USP15: variants seen among roughly 807,000 people sequenced by gnomAD.
The protein encoded by USP15 is ubiquitin carboxyl-terminal hydrolase 15.
In USP15, 18 loss-of-function variants were observed where a neutral mutation model predicts 127.1. The observed-to-expected ratio is 0.14, with a 90% CI of 0.10 to 0.21. The LOEUF (loss-of-function observed/expected upper bound fraction) is 0.21, where lower values mean the gene tolerates loss of function less well. Among genes scored for constraint, USP15 ranks in the 10% least tolerant of loss-of-function variants. The pLI is 1.00. For synonymous variants in USP15, 364 were observed against 393.7 expected, an observed-to-expected ratio of 0.92 and a Z score of 0.89; for missense variants, 805 against 1,159.9, an observed-to-expected ratio of 0.69 and a Z score of 4.44.
chr12:62,293,509 A>G (rs2064036816), intron 1 of USP15, among the ~76,000 whole-genome samples: 1 of 151,916 alleles, frequency 6.6e-6, no homozygotes, highest in Admixed American at 6.6e-5. Context: ...GGCACCTACC[A>G]CTATGCCTCC....
chr12:62,345,195 A>T (rs192714388), intron 6 of USP15, among the ~76,000 whole-genome samples: 1 of 152,214 alleles, frequency 6.6e-6, no homozygotes, highest in Non-Finnish European at 1.5e-5. Context: ...GCAGCACCCA[A>T]GTCACATCCT....
intron 3 of USP15, among the ~76,000 whole-genome samples, chr12:62,310,715 A>G (rs1277480509): frequency 6.6e-6 from 1 of 151,884 alleles, no homozygotes; most frequent in Non-Finnish European, 1.5e-5. Context: ...CCTTTCATAT[A>G]CTGACTTCTT....
intron 2 of USP15, among the ~76,000 whole-genome samples, chr12:62,298,939 A>G (rs1448310605): frequency 6.6e-6 from 1 of 152,050 alleles, no homozygotes; most frequent in Non-Finnish European, 1.5e-5. Context: ...GAGTTGAACA[A>G]CACTGTTAAT....
intron 2 of USP15, among the ~76,000 whole-genome samples, chr12:62,299,628 A>C (rs117680651): frequency 6.6e-6 from 1 of 152,332 alleles, no homozygotes; most frequent in East Asian, 1.9e-4. Context: ...ATGAACATTC[A>C]TGTAAAAGTT....
chr12:62,328,499 C>A, intron 6 of USP15: 7 of 200,376 alleles, frequency 3.5e-5, no homozygotes, highest in South Asian at 1.4e-4. Flanking sequence ...AATAGTCTAA[C>A]AAAAATTAAC....
At chr12:62,373,445 A>G (rs2066736483) in intron 8 of USP15, among the ~76,000 whole-genome samples, 1 of 152,028 alleles carries the variant, frequency 6.6e-6, no homozygotes, top group South Asian at 2.1e-4. Flanking sequence ...AAGGGACAAC[A>G]GTGGGGACTT....
chr12:62,264,859 CAGT>C (rs1321678506), intron 1 of USP15, among the ~76,000 whole-genome samples: 1 of 152,120 alleles, frequency 6.6e-6, no homozygotes, highest in African/African-American at 2.4e-5. Flanking sequence ...AAATTAGTTT[CAGT>C]AGTGCCAGGG....
At chr12:62,359,422 C>T (rs1048770113) in intron 8 of USP15, among the ~76,000 whole-genome samples, 6 of 152,064 alleles carry the variant, frequency 3.9e-5, no homozygotes, top group African/African-American at 1.4e-4. Flanking sequence ...TAATAGTACC[C>T]TATCTTAGGA....
At chr12:62,289,574 T>C (rs2063893103) in intron 1 of USP15, among the ~76,000 whole-genome samples, 1 of 152,084 alleles carries the variant, frequency 6.6e-6, no homozygotes, top group African/African-American at 2.4e-5. Flanking sequence ...TTGATCTTTT[T>C]GTATTGTGTT....
chr12:62,405,435 A>G lies in USP15; in HGVS notation c.*1060A>G, dbSNP rs1229982799. 6.6e-6 allele frequency: 1 copy of G among 152,614 alleles called. No homozygotes were observed. The highest frequency in any genetic ancestry group is 1.5e-5 in the Non-Finnish European group (1 of 68,008). 9.5% of individuals were successfully genotyped at this position (152,614 alleles called of 1,614,324 possible). On this transcript the variant is annotated 3_prime_UTR_variant, in exon 22 of 22. Coordinates refer to ENST00000280377, the MANE Select transcript of USP15 (RefSeq NM_001252078.2). ...GCCTTACAGCTTTTCTCAGAAGGTA[A>G]CTTGTTATAAGAGAAATGGCATTTG...
In USP15 at chr12:62,415,075, A is replaced by G. The variant is rs532124106; in HGVS notation, c.*10700A>G. 1.3e-5 allele frequency: 2 copies of G among 152,044 alleles called. No individual in the cohort carries two copies. The highest frequency in any genetic ancestry group is 2.1e-4 in the South Asian group (1 of 4,804). 9.4% of individuals were successfully genotyped at this position (152,044 alleles called of 1,614,324 possible). The stretch of plus-strand genomic sequence containing the variant: ...TGCACTTAGGCTGAGAAGTCTCATG[A>G]TCTTCAGTCAGCAGGCTGGAGACCC... On this transcript the variant is annotated 3_prime_UTR_variant, in exon 22 of 22. Transcript: ENST00000280377.
intron 2 of USP15, among the ~76,000 whole-genome samples, chr12:62,301,258 AC>A (rs770973692): frequency 1.6e-4 from 25 of 152,172 alleles, no homozygotes; most frequent in Non-Finnish European, 1.3e-4. Context: ...TCATAAAAGC[AC>A]TTCAGAAAAT....
intron 7 of USP15, among the ~76,000 whole-genome samples, chr12:62,350,108 C>T (rs2065924315): frequency 6.6e-6 from 1 of 151,222 alleles, no homozygotes; most frequent in South Asian, 2.1e-4. Flanking sequence ...AGATATTTAT[C>T]TAATACTTAT....
At chr12:62,345,999 C>T (rs2065805481) in intron 6 of USP15, among the ~76,000 whole-genome samples, 1 of 152,142 alleles carries the variant, frequency 6.6e-6, no homozygotes, top group Non-Finnish European at 1.5e-5. Context: ...TGGGTGGGGA[C>T]ACAGAATCAA....
At chr12:62,393,683 GGATTC>G in intron 19 of USP15, 1 of 152,542 alleles carries the variant, frequency 6.6e-6, no homozygotes, top group East Asian at 1.9e-4. Context: ...TCCACCTCCT[GGATTC>G]AGGTGATTCT....
At chr12:62,397,495 ATTG>A (rs1241463935) in intron 20 of USP15, among the ~76,000 whole-genome samples, 1 of 151,992 alleles carries the variant, frequency 6.6e-6, no homozygotes, top group Admixed American at 6.6e-5. Flanking sequence ...TTATTTAAGA[ATTG>A]TTGTTTATAA....
intron 8 of USP15, among the ~76,000 whole-genome samples, chr12:62,380,081 A>G (rs1337829478): frequency 2.0e-5 from 3 of 152,052 alleles, no homozygotes; most frequent in East Asian, 1.9e-4. Context: ...CTAAAGGCCT[A>G]TATAGCTCAC....
chr12:62,353,311 T>C (rs1215861579), intron 7 of USP15, among the ~76,000 whole-genome samples: 1 of 152,066 alleles, frequency 6.6e-6, no homozygotes, highest in Non-Finnish European at 1.5e-5. Flanking sequence ...TTTTGTTCAG[T>C]TCTCAGTAAA....
At chr12:62,292,495 T>C (rs1403105334) in intron 1 of USP15, among the ~76,000 whole-genome samples, 1 of 152,168 alleles carries the variant, frequency 6.6e-6, no homozygotes, top group African/African-American at 2.4e-5. Context: ...CCTCACAGCT[T>C]CAGATAGCCT....
Sources: gnomAD v4.1 joint callset for allele counts (sites outside exome capture counted in the v4.1 genomes callset) on GRCh38, gnomAD v4.1.1 for gene constraint, MANE v1.5 for transcripts, NCBI Gene and HGNC (gene_info 2026-07-23, HGNC 2026-07-21) for gene names.